Variants in RFC1 observed in about 807,000 individuals in gnomAD.
RFC1 encodes the protein replication factor C subunit 1.
Under a neutral mutation model 137.4 loss-of-function variants are expected in RFC1, and 37 were observed. The observed-to-expected ratio is 0.27, with a 90% CI of 0.21 to 0.35. The LOEUF (loss-of-function observed/expected upper bound fraction) is 0.35, where lower values mean the gene tolerates loss of function less well. Ranked by LOEUF, RFC1 falls within the 10% of genes least tolerant of loss-of-function variation. RFC1 has a pLI of 1.00. For synonymous variants in RFC1, 429 were observed against 455.7 expected (o/e 0.94, Z 0.75); for missense variants, 1,205 against 1,358.5 (o/e 0.89, Z 1.78).
At chr4:39,352,300 A>G (rs1741249128) in intron 1 of RFC1, among the ~76,000 whole-genome samples, 1 of 152,226 alleles carries the variant, frequency 6.6e-6, no homozygotes, top group African/African-American at 2.4e-5. Context: ...TGATTTTTCA[A>G]CATCCTGAAG....
At chr4:39,308,568 A>G (rs901046098) in intron 13 of RFC1, 68 bp downstream of exon 13, 1 of 1,528,368 alleles carries the variant, frequency 6.5e-7, no homozygotes, top group Admixed American at 2.1e-5. Flanking sequence ...ATTTTCTCAT[A>G]TATGTGCCAC....
Position 39,291,856 on chromosome 4 carries a change from A to G in RFC1, c.2955-4T>C. 1 of 1,609,386 alleles carries G rather than the reference A, an allele frequency of 6.2e-7. No individual in the cohort carries two copies. The highest frequency in any genetic ancestry group is 8.5e-7 in the Non-Finnish European group (1 of 1,175,682). The stretch of plus-strand genomic sequence containing the variant: ...AGTCCTTTTGCTGGAGTAAGTTCTG[A>G]AACCACAACAAAAGAGACATAGTCA... On this transcript the variant is annotated splice_polypyrimidine_tract_variant and splice_region_variant and intron_variant, in intron 22 of 24. Transcript: ENST00000349703.
intron 23 of RFC1, 79 bp from the exon 24 acceptor site, chr4:39,290,118 C>T: frequency 2.0e-6 from 2 of 992,398 alleles, no homozygotes; most frequent in South Asian, 3.3e-5. Context: ...CCTAAAGAGA[C>T]CCTGGGAGCC....
intron 4 of RFC1, 56 bp downstream of exon 4, chr4:39,342,289 A>C: frequency 6.5e-7 from 1 of 1,533,696 alleles, no homozygotes; most frequent in Non-Finnish European, 8.8e-7. Context: ...AGACACCAAC[A>C]AAAAACTCAA....
chr4:39,315,265 G>A (rs938133774), intron 10 of RFC1, among the ~76,000 whole-genome samples: 3 of 152,194 alleles, frequency 2.0e-5, no homozygotes, highest in African/African-American at 7.2e-5. Context: ...CAGCATGACA[G>A]ACTTAACTAC....
chr4:39,340,917 T>C (rs1193245279), intron 4 of RFC1, among the ~76,000 whole-genome samples: 1 of 152,204 alleles, frequency 6.6e-6, no homozygotes, highest in African/African-American at 2.4e-5. Flanking sequence ...TACTTTCACA[T>C]GTATATGCTA....
At position 39,329,461 on chromosome 4, in the gene RFC1, G is replaced by A. The variant is rs747948684; in HGVS notation, c.332-1705C>T. Among the ~76,000 whole-genome samples the A allele has an allele frequency of 1.4e-4, 21 of 151,768 alleles. 1 individual carries two copies. In the East Asian group the frequency reaches 2.3e-3, roughly 17 times the overall value. On this transcript the variant is annotated intron_variant, in intron 4 of 24. Transcript: ENST00000349703. Reference sequence around the variant, plus strand: ...AAAACTTAGCCGGGCGTAGCGGTGCGCGCCTGTAGTCCCAGCTACTCCGGA... The same window carrying A: ...AAAACTTAGCCGGGCGTAGCGGTGCACGCCTGTAGTCCCAGCTACTCCGGA...
At chr4:39,303,866 C>T (rs1341745605) in intron 15 of RFC1, among the ~76,000 whole-genome samples, 1 of 152,218 alleles carries the variant, frequency 6.6e-6, no homozygotes, top group African/African-American at 2.4e-5. Flanking sequence ...ACACACTTTA[C>T]TTAATCACCA....
At chr4:39,297,557 C>T (rs984436998) in intron 21 of RFC1, 1 of 151,492 alleles carries the variant, frequency 6.6e-6, no homozygotes, top group African/African-American at 2.4e-5. Flanking sequence ...AAAGATCAGA[C>T]AGTTGTAGGT....
intron 1 of RFC1, among the ~76,000 whole-genome samples, chr4:39,360,206 A>C (rs1741682891): frequency 6.6e-6 from 1 of 151,850 alleles, no homozygotes. Flanking sequence ...TCACTACTAA[A>C]AATACAAAAA....
chr4:39,300,233 C>T, intron 20 of RFC1, 27 bp downstream of exon 20: 1 of 1,613,770 alleles, frequency 6.2e-7, no homozygotes, highest in East Asian at 2.2e-5. Context: ...ATACTAAGCA[C>T]ACCTCTCACC....
intron 21 of RFC1, 31 bp from the exon 22 acceptor site, chr4:39,295,790 T>C: frequency 6.3e-7 from 1 of 1,596,430 alleles, no homozygotes; most frequent in Admixed American, 1.7e-5. Flanking sequence ...GTCCAGAATT[T>C]ATGTTCCGTA....
chr4:39,333,249 T>C (rs1011472582), intron 4 of RFC1, among the ~76,000 whole-genome samples: 3 of 152,156 alleles, frequency 2.0e-5, no homozygotes, highest in Admixed American at 6.5e-5. Flanking sequence ...ACAATATTGG[T>C]AAAAATGTGA....
intron 1 of RFC1, among the ~76,000 whole-genome samples, chr4:39,361,001 T>C (rs1438259747): frequency 2.6e-5 from 4 of 152,196 alleles, no homozygotes; most frequent in Non-Finnish European, 5.9e-5. Context: ...AAATCTTTTA[T>C]CCTGAAAATC....
At chr4:39,323,969 C>G (rs1449634138) in intron 6 of RFC1, among the ~76,000 whole-genome samples, 2 of 152,158 alleles carry the variant, frequency 1.3e-5, no homozygotes, top group Non-Finnish European at 2.9e-5. Flanking sequence ...TTTAAGTCAT[C>G]ATGTCAGGAG....
intron 11 of RFC1, among the ~76,000 whole-genome samples, chr4:39,312,435 T>C (rs140120512): frequency 9.6e-4 from 146 of 152,256 alleles, no homozygotes; most frequent in African/African-American, 3.3e-3. Context: ...AGATGGTGTA[T>C]ACAGTGGCAT....
At chr4:39,315,403 A>G (rs1367901517) in intron 10 of RFC1, among the ~76,000 whole-genome samples, 1 of 152,186 alleles carries the variant, frequency 6.6e-6, no homozygotes, top group Non-Finnish European at 1.5e-5. Context: ...CTACTTCACA[A>G]AGAAGCAGGG....
At chr4:39,308,168 C>T (rs2109629707) in intron 13 of RFC1, among the ~76,000 whole-genome samples, 1 of 152,254 alleles carries the variant, frequency 6.6e-6, no homozygotes, top group East Asian at 1.9e-4. Flanking sequence ...CCTCCTAGTG[C>T]CCTTGCCACT....
At chr4:39,332,782 AG>A (rs555028223) in intron 4 of RFC1, among the ~76,000 whole-genome samples, 1 of 152,204 alleles carries the variant, frequency 6.6e-6, no homozygotes, top group Non-Finnish European at 1.5e-5. Flanking sequence ...ATAGTAAAAC[AG>A]TTTCAAGCCA....
Sources: allele counts gnomAD v4.1 joint callset (sites outside exome capture counted in the v4.1 genomes callset), GRCh38; gene constraint gnomAD v4.1.1; transcripts MANE v1.5; gene names NCBI Gene and HGNC (gene_info 2026-07-23, HGNC 2026-07-21).